The following CPA6 variants were observed in gnomAD, a reference collection of about 807,000 sequenced individuals.
CPA6 encodes the protein carboxypeptidase B.
In CPA6, 58 loss-of-function variants were observed where a neutral mutation model predicts 63.3. The ratio of observed to expected loss-of-function variants is 0.92; its 90% CI spans 0.74 to 1.14. CPA6 has a LOEUF of 1.14. Ranked by LOEUF, CPA6 falls within the 50% of genes most tolerant of loss-of-function variation. The pLI is 0.00. For synonymous variants in CPA6, 185 were observed against 179.0 expected (o/e 1.03, Z -0.27); for missense variants, 565 against 526.6 (o/e 1.07, Z -0.71).
At chr8:67,630,348 G>A (rs1409658901) in intron 1 of CPA6, among the ~76,000 whole-genome samples, 2 of 152,018 alleles carry the variant, frequency 1.3e-5, no homozygotes, top group African/African-American at 2.4e-5. Context: ...GCAGCTTTGG[G>A]ATGTGGGGGG....
chr8:67,455,128 A>G (rs770023362), intron 8 of CPA6, among the ~76,000 whole-genome samples: 2 of 152,206 alleles, frequency 1.3e-5, no homozygotes. Context: ...GCTTTTCTGG[A>G]TGATATAATA....
intron 2 of CPA6, among the ~76,000 whole-genome samples, chr8:67,571,912 TAAAC>T (rs35270916): frequency 2.0e-5 from 3 of 151,330 alleles, no homozygotes; most frequent in Non-Finnish European, 4.4e-5. Context: ...TTTAAAAAGA[TAAAC>T]AAAATTGACA....
intron 6 of CPA6, among the ~76,000 whole-genome samples, chr8:67,501,517 T>C (rs1277149608): frequency 6.6e-6 from 1 of 152,198 alleles, no homozygotes; most frequent in African/African-American, 2.4e-5. Context: ...TAAAATTATA[T>C]AATTTTTCTT....
In CPA6 at chr8:67,585,481, GT is replaced by G. The variant is rs147493108; in HGVS notation, c.192+38694del. ...ATCCTTTAAAAGTTGAGAAAGCCAT[GT>G]TGTTAGACATGGGGGCATGAGTTAG... is the stretch of plus-strand genomic sequence containing the variant. On this transcript the variant is annotated intron_variant, in intron 2 of 10. Coordinates refer to ENST00000297770, the MANE Select transcript of CPA6 (RefSeq NM_020361.5). 4.6e-3 allele frequency among the ~76,000 whole-genome samples: 700 copies of G among 152,158 alleles called. 3 individuals carry two copies. The highest frequency in any genetic ancestry group is 7.5e-3 in the Non-Finnish European group (513 of 67,996).
chr8:67,636,460 T>G (rs1815470914), intron 1 of CPA6, among the ~76,000 whole-genome samples: 1 of 151,626 alleles, frequency 6.6e-6, no homozygotes, highest in Non-Finnish European at 1.5e-5. Flanking sequence ...TTTAGAGGAA[T>G]AAGAGAAACC....
intron 2 of CPA6, among the ~76,000 whole-genome samples, chr8:67,622,230 G>A (rs1815098835): frequency 2.6e-5 from 4 of 152,158 alleles, no homozygotes; most frequent in Admixed American, 2.6e-4. Context: ...CTATTTTTCT[G>A]GTGGTATATG....
At chr8:67,723,525 T>TGA (rs1817541834) in intron 1 of CPA6, among the ~76,000 whole-genome samples, 1 of 152,224 alleles carries the variant, frequency 6.6e-6, no homozygotes, top group Non-Finnish European at 1.5e-5. Context: ...TATAACAATT[T>TGA]GACCTTCTCT....
intron 2 of CPA6, among the ~76,000 whole-genome samples, chr8:67,526,478 A>G (rs1490541143): frequency 6.6e-6 from 1 of 152,186 alleles, no homozygotes; most frequent in East Asian, 1.9e-4. Context: ...GAAATGGTTT[A>G]TGTTCAACAG....
At chr8:67,549,211 T>C (rs1812887512) in intron 2 of CPA6, among the ~76,000 whole-genome samples, 1 of 152,184 alleles carries the variant, frequency 6.6e-6, no homozygotes, top group Non-Finnish European at 1.5e-5. Flanking sequence ...TGATTTTGCT[T>C]ATCTAAGGAT....
chr8:67,519,180 G>T (rs375096028), intron 2 of CPA6, among the ~76,000 whole-genome samples: 1 of 152,168 alleles, frequency 6.6e-6, no homozygotes, highest in Non-Finnish European at 1.5e-5. Context: ...CCTTACTATA[G>T]TGTCCCCAGT....
At chr8:67,437,308 T>C (rs1306839522) in intron 8 of CPA6, among the ~76,000 whole-genome samples, 1 of 152,136 alleles carries the variant, frequency 6.6e-6, no homozygotes, top group Non-Finnish European at 1.5e-5. Flanking sequence ...GGCAGGAGAA[T>C]GGCACGAACC....
At chr8:67,566,166 T>C (rs1813331907) in intron 2 of CPA6, among the ~76,000 whole-genome samples, 1 of 152,186 alleles carries the variant, frequency 6.6e-6, no homozygotes, top group Admixed American at 6.5e-5. Context: ...TCTCTTCCCA[T>C]TGTCGTTTCA....
intron 1 of CPA6, among the ~76,000 whole-genome samples, chr8:67,668,807 G>A (rs140297096): frequency 9.2e-5 from 14 of 152,236 alleles, no homozygotes; most frequent in East Asian, 1.9e-4. Context: ...GGAAACTGAC[G>A]TTCAAATTCA....
rs540254976 is a variant in CPA6 at position 67,681,359 on chromosome 8, G to A, written c.117-57108C>T. On this transcript the variant is annotated intron_variant, in intron 1 of 10. Transcript: ENST00000297770. ...CGAGTAGCTGGGACTACAGGCGCCC[G>A]CCACCGTGCCCGGCTAATTTTTTGT... 1.6e-3 allele frequency among the ~76,000 whole-genome samples: 246 copies of A among 150,048 alleles called. 2 individuals carry two copies. The highest frequency in any genetic ancestry group is 0.012 in the East Asian group (64 of 5,124).
intron 6 of CPA6, among the ~76,000 whole-genome samples, chr8:67,485,483 A>T (rs913289387): frequency 1.3e-5 from 2 of 152,184 alleles, no homozygotes; most frequent in Non-Finnish European, 2.9e-5. Flanking sequence ...CATTATATGT[A>T]AGTGAGATAT....
intron 1 of CPA6, among the ~76,000 whole-genome samples, chr8:67,694,615 T>C (rs1816876192): frequency 6.6e-6 from 1 of 152,222 alleles, no homozygotes; most frequent in South Asian, 2.1e-4. Flanking sequence ...CCACTCCTGT[T>C]ACACTGCCTT....
intron 2 of CPA6, among the ~76,000 whole-genome samples, chr8:67,607,160 TTCTTCTTCC>T (rs1814668336): frequency 1.5e-5 from 1 of 68,034 alleles, no homozygotes; most frequent in Non-Finnish European, 2.7e-5. Flanking sequence ...CCTCCTCTTC[TTCTTCTTCC>T]TCTTCTTCTT....
intron 1 of CPA6, among the ~76,000 whole-genome samples, chr8:67,720,380 G>A (rs1817472546): frequency 6.6e-6 from 1 of 152,224 alleles, no homozygotes; most frequent in Admixed American, 6.5e-5. Context: ...AGTCACAGGG[G>A]ATGCGATGGC....
intron 8 of CPA6, among the ~76,000 whole-genome samples, chr8:67,446,404 T>G (rs1259860745): frequency 3.9e-5 from 6 of 152,124 alleles, no homozygotes; most frequent in Non-Finnish European, 5.9e-5. Context: ...GGGTTACAGG[T>G]ATGAGTCATC....
Sources: gnomAD v4.1 joint callset for allele counts (sites outside exome capture counted in the v4.1 genomes callset) on GRCh38, gnomAD v4.1.1 for gene constraint, MANE v1.5 for transcripts, NCBI Gene and HGNC (gene_info 2026-07-23, HGNC 2026-07-21) for gene names.